The following GLI2 variants were observed in gnomAD, a reference collection of about 807,000 sequenced individuals.
The protein encoded by GLI2 is GLI family zinc finger 2.
In GLI2, 22 loss-of-function variants were observed where a neutral mutation model predicts 78.9. The ratio of observed to expected loss-of-function variants is 0.28; its 90% CI spans 0.20 to 0.40. The LOEUF (loss-of-function observed/expected upper bound fraction) is 0.40. Among genes scored for constraint, GLI2 ranks in the 10% least tolerant of loss-of-function variants. The pLI is 1.00. For synonymous variants in GLI2, 974 were observed against 963.7 expected (o/e 1.01, Z -0.20); for missense variants, 2,097 against 2,213.2 (o/e 0.95, Z 1.05).
At chr2:120,911,703 G>T (rs1678827584) in intron 2 of GLI2, among the ~76,000 whole-genome samples, 1 of 152,128 alleles carries the variant, frequency 6.6e-6, no homozygotes, top group African/African-American at 2.4e-5. Flanking sequence ...GGTGTGGAGG[G>T]AGTATCGTCT....
At chr2:120,771,093 GCCATGGATACCAC>G (rs534366538) in intron 1 of GLI2, among the ~76,000 whole-genome samples, 1 of 152,340 alleles carries the variant, frequency 6.6e-6, no homozygotes, top group South Asian at 2.1e-4. Flanking sequence ...CTGAAAGGCA[GCCATGGATACCAC>G]CCTGGGGTAC....
At chr2:120,749,123 G>A (rs532988431) in intron 1 of GLI2, among the ~76,000 whole-genome samples, 1 of 152,136 alleles carries the variant, frequency 6.6e-6, no homozygotes, top group African/African-American at 2.4e-5. Flanking sequence ...ACTTGTCTCT[G>A]GGATTTCCCT....
chr2:120,979,670 A>G (rs1682621859), intron 10 of GLI2, among the ~76,000 whole-genome samples: 1 of 152,216 alleles, frequency 6.6e-6, no homozygotes, highest in Non-Finnish European at 1.5e-5. Flanking sequence ...GATTTGTACA[A>G]CAATCACTAC....
chr2:120,831,143 G>T (rs1410114195), intron 2 of GLI2, among the ~76,000 whole-genome samples: 2 of 151,330 alleles, frequency 1.3e-5, no homozygotes, highest in African/African-American at 2.4e-5. Context: ...CTCCATGTTT[G>T]TCCTTCTGTT....
chr2:120,893,797 G>T (rs1290821309), intron 2 of GLI2, among the ~76,000 whole-genome samples: 1 of 152,186 alleles, frequency 6.6e-6, no homozygotes, highest in Non-Finnish European at 1.5e-5. Context: ...GCGAGGAAGC[G>T]GATGGTTTTC....
intron 2 of GLI2, among the ~76,000 whole-genome samples, chr2:120,893,076 A>G (rs1386030445): frequency 6.6e-6 from 1 of 152,174 alleles, no homozygotes; most frequent in East Asian, 1.9e-4. Flanking sequence ...CAGCGTGCAT[A>G]GTTATGAGTT....
chr2:120,908,731 A>G (rs1297201507), intron 2 of GLI2, among the ~76,000 whole-genome samples: 2 of 152,192 alleles, frequency 1.3e-5, no homozygotes, highest in African/African-American at 2.4e-5. Flanking sequence ...GGGGAAACCA[A>G]TGTTATGGGA....
Position 120,988,274 on chromosome 2 carries a change from G to T in GLI2, c.2309G>T (p.Arg770Leu), listed in dbSNP as rs2105084970. ...GGPAGLLPNP[R>L]LSELSASEVT... ...CCCGCGGGGCTGCTGCCGAACCCGC[G>T]GCTGTCGGAGCTGTCCGCGAGCGAG... The change falls in exon 14 of 14, where the codon CGG (arginine) becomes CTG (leucine). Residue 770 changes from arginine (R) to leucine (L), a missense_variant. This residue lies in a region of GLI2 where 1,290 missense variants were observed against 1,261.7 expected (regional missense o/e 1.02). Coordinates refer to ENST00000361492, the MANE Select transcript of GLI2 (RefSeq NM_001374353.1). 2.6e-6 allele frequency: 4 copies of T among 1,568,562 alleles called. No individual in the cohort carries two copies. The East Asian group carries it at 7.1e-5, about 28-fold the overall frequency.
chr2:120,780,080 A>G (rs1436405214), intron 1 of GLI2, among the ~76,000 whole-genome samples: 1 of 150,344 alleles, frequency 6.7e-6, no homozygotes, highest in East Asian at 1.9e-4. Context: ...TTTTTTCTTC[A>G]TGGCACATAA....
At chr2:120,827,113 A>G (rs1686104865) in intron 2 of GLI2, among the ~76,000 whole-genome samples, 2 of 152,338 alleles carry the variant, frequency 1.3e-5, no homozygotes, top group South Asian at 2.1e-4. Flanking sequence ...TGACCGGATG[A>G]GTGCTTCAGG....
intron 2 of GLI2, among the ~76,000 whole-genome samples, chr2:120,864,128 T>C (rs1688022659): frequency 6.6e-6 from 1 of 152,152 alleles, no homozygotes; most frequent in South Asian, 2.1e-4. Context: ...GAGGAGGCTC[T>C]GTGAGGGCCC....
intron 1 of GLI2, among the ~76,000 whole-genome samples, chr2:120,788,644 G>C (rs1364839707): frequency 6.6e-6 from 1 of 152,226 alleles, no homozygotes; most frequent in Admixed American, 6.5e-5. Context: ...AGTGAATTAG[G>C]GTTAATTATC....
At chr2:120,822,325 G>A (rs529502295) in intron 2 of GLI2, among the ~76,000 whole-genome samples, 10 of 152,310 alleles carry the variant, frequency 6.6e-5, no homozygotes, top group South Asian at 6.2e-4. Context: ...CCTGCACAGC[G>A]GGTCCAGCTC....
chr2:120,864,353 A>T (rs1162642248), intron 2 of GLI2, among the ~76,000 whole-genome samples: 1 of 151,844 alleles, frequency 6.6e-6, no homozygotes, highest in African/African-American at 2.4e-5. Flanking sequence ...GCTCCAGCTG[A>T]TCCCATCTCC....
chr2:120,746,841 C>G (rs764086002), intron 1 of GLI2, among the ~76,000 whole-genome samples: 5 of 152,120 alleles, frequency 3.3e-5, no homozygotes, highest in Non-Finnish European at 7.3e-5. Flanking sequence ...TCCTTTCTTA[C>G]AAAATTGAGG....
At chr2:120,888,547 C>T (rs1016249060) in intron 2 of GLI2, among the ~76,000 whole-genome samples, 4 of 152,058 alleles carry the variant, frequency 2.6e-5, no homozygotes, top group Non-Finnish European at 4.4e-5. Context: ...GTGAGAGACA[C>T]ACAGGCCGTG....
chr2:120,831,226 CCTT>C (rs1442280030), intron 2 of GLI2, among the ~76,000 whole-genome samples: 3 of 152,160 alleles, frequency 2.0e-5, no homozygotes, highest in Non-Finnish European at 4.4e-5. Flanking sequence ...GATGCCTGGC[CCTT>C]CTTCTGCCAA....
At chr2:120,909,171 G>A (rs983579409) in intron 2 of GLI2, among the ~76,000 whole-genome samples, 33 of 152,252 alleles carry the variant, frequency 2.2e-4, no homozygotes, top group African/African-American at 6.7e-4. Context: ...TTTGGCTGAC[G>A]TGGGGAGGGC....
chr2:120,792,094 CAA>C (rs1684178044), intron 1 of GLI2, among the ~76,000 whole-genome samples: 1 of 152,182 alleles, frequency 6.6e-6, no homozygotes, highest in Admixed American at 6.5e-5. Flanking sequence ...GCCTGGGGAA[CAA>C]TGCTCTAATT....
Sources: gnomAD v4.1 joint callset for allele counts (sites outside exome capture counted in the v4.1 genomes callset) on GRCh38, gnomAD v4.1.1 for gene constraint, gnomAD v4.1.1 regional missense constraint, MANE v1.5 for transcripts, NCBI Gene and HGNC (gene_info 2026-07-23, HGNC 2026-07-21) for gene names.